Variants in ATXN7L3 observed in about 807,000 individuals in gnomAD.
ATXN7L3 encodes the protein ataxin 7 like 3.
A neutral mutation model predicts 50.0 loss-of-function variants in ATXN7L3; 6 were observed. That is an observed-to-expected ratio of 0.12 (90% CI 0.07 to 0.24). The LOEUF (loss-of-function observed/expected upper bound fraction) is 0.24, where lower values mean the gene tolerates loss of function less well. Among genes scored for constraint, ATXN7L3 ranks in the 10% least tolerant of loss-of-function variants. The pLI, the probability that ATXN7L3 is intolerant of heterozygous loss-of-function variation, is 1.00. For synonymous variants in ATXN7L3, 198 were observed against 165.8 expected (o/e 1.19, Z -1.49); for missense variants, 322 against 451.3 (o/e 0.71, Z 2.60).
At chr17:44,195,975 C>CG (rs988119573) in intron 7 of ATXN7L3, 59 bp downstream of exon 7, 34 of 1,577,472 alleles carry the variant, frequency 2.2e-5, no homozygotes, top group Non-Finnish European at 2.8e-5. Flanking sequence ...CTCCACCCCC[C>CG]GGCAATGAGT....
chr17:44,199,133 G>T (rs1156346709), intron 1 of ATXN7L3: 1 of 151,922 alleles, frequency 6.6e-6, no homozygotes, highest in Non-Finnish European at 1.5e-5. Context: ...CCCAGAGAGT[G>T]GGACGCGTCC....
Position 44,194,370 on chromosome 17 carries a change from ATTTC to A in ATXN7L3, c.933_936del (p.Lys311AsnfsTer4). The A allele has an allele frequency of 6.2e-7, 1 of 1,614,114 alleles. No homozygotes were observed. On this transcript the variant is annotated frameshift_variant, in exon 13 of 13. Transcript: ENST00000587097. LOFTEE classifies it high-confidence loss of function. ...GCAGTCCCTACCAGGCTCAGATGGGATTTCTTTTTCTTGGTTTTCCGTGACTCAG... is the reference window on the plus strand; with the variant it reads ...GCAGTCCCTACCAGGCTCAGATGGGATTTTTCTTGGTTTTCCGTGACTCAG...
intron 8 of ATXN7L3, 28 bp from the exon 9 acceptor site, chr17:44,195,515 G>T: frequency 6.3e-7 from 1 of 1,597,064 alleles, no homozygotes; most frequent in South Asian, 1.1e-5. Context: ...GTACAGGTTA[G>T]AGATGGGGCA....
At chr17:44,195,907 G>A in intron 7 of ATXN7L3, 79 bp from the exon 8 acceptor site, 1 of 1,572,264 alleles carries the variant, frequency 6.4e-7, no homozygotes, top group Non-Finnish European at 8.7e-7. Flanking sequence ...CAGAGAGGAA[G>A]TGGGGGTGAC....
intron 9 of ATXN7L3, 38 bp from the exon 10 acceptor site, chr17:44,195,178 G>T (rs778180063): frequency 6.3e-7 from 1 of 1,594,460 alleles, no homozygotes; most frequent in South Asian, 1.1e-5. Context: ...GGGATGGAAG[G>T]AACCTACTCT....
chr17:44,195,847 G>A lies in ATXN7L3; in HGVS notation c.524-19C>T. 1 of 1,608,682 alleles carries A rather than the reference G, an allele frequency of 6.2e-7. No homozygotes were observed. The highest frequency in any genetic ancestry group is 8.5e-7 in the Non-Finnish European group (1 of 1,177,898). On this transcript the variant is annotated intron_variant, in intron 7 of 12. Transcript: ENST00000587097. ...AGTTCCCCTGAAGAAGAAAAAAGAA[G>A]GGGAAGGGTGTTTGATGCAGAGGTA...
intron 8 of ATXN7L3, 91 bp downstream of exon 8, chr17:44,195,709 G>T: frequency 7.1e-7 from 1 of 1,412,264 alleles, no homozygotes; most frequent in Non-Finnish European, 1.0e-6. Context: ...AGTGCCTCTG[G>T]CTGTCAGCAT....
At position 44,197,619 on chromosome 17, in the gene ATXN7L3, G is replaced by T; in HGVS notation, c.163C>A (p.Pro55Thr). 6.2e-7 allele frequency: 1 copy of T among 1,614,226 alleles called. No homozygotes were observed. The highest frequency in any genetic ancestry group is 8.5e-7 in the Non-Finnish European group (1 of 1,180,048). ...CGYFFLDDTDPDSMKDFEIVD... is the reference protein window; with the variant it reads ...CGYFFLDDTDTDSMKDFEIVD... ...TCACCAAAATCCTTCATGCTATCAGGGTCCGTGTCGTCCAAGAAGAAGTAG... is the reference window on the plus strand; with the variant it reads ...TCACCAAAATCCTTCATGCTATCAGTGTCCGTGTCGTCCAAGAAGAAGTAG... Residue 55 changes from proline (P) to threonine (T), a missense_variant, in exon 3 of 13, where the codon CCT becomes ACT. Coordinates refer to ENST00000587097, the MANE Select transcript of ATXN7L3 (RefSeq NM_001382309.1).
chr17:44,194,415 T>C lies in ATXN7L3; in HGVS notation c.896-4A>G. 3.1e-6 allele frequency: 5 copies of C among 1,614,022 alleles called. No homozygotes were observed. The highest frequency in any genetic ancestry group is 4.2e-6 in the Non-Finnish European group (5 of 1,179,990). On this transcript the variant is annotated splice_region_variant and splice_polypyrimidine_tract_variant and intron_variant, in intron 12 of 12. Transcript: ENST00000587097. ...CGTGACTCAGAGCTGTTGGTACCTG[T>C]AGAGAAAGAGACACAAGGGATGAGA...
intron 6 of ATXN7L3, 148 bp downstream of exon 6, chr17:44,196,248 C>T: frequency 1.1e-6 from 1 of 911,956 alleles, no homozygotes. Context: ...CTTCCCCACC[C>T]ACACTCCCCC....
rs533935236 is a variant in ATXN7L3 at position 44,197,878 on chromosome 17, T to C, written c.51+142A>G. ...TTGACTTCGTGTTCTTTCTTCTTCC[T>C]GGATCCTTGGCTTTTTCAGCTGGCT... On this transcript the variant is annotated intron_variant, in intron 2 of 12. Transcript: ENST00000587097. The C allele has an allele frequency of 1.1e-4, 166 of 1,519,146 alleles. 1 individual carries two copies. In the African/African-American group the frequency reaches 2.2e-3, roughly 20 times the overall value. The allele number at this position is 1,519,146 out of a possible 1,614,324, so 94.1% of individuals were successfully genotyped here.
In ATXN7L3 at chr17:44,194,187, T is replaced by G. The variant is rs1353861381; in HGVS notation, c.*76A>C. 1 of 1,542,200 alleles carries G rather than the reference T, an allele frequency of 6.5e-7. No individual in the cohort carries two copies. The highest frequency in any genetic ancestry group is 1.4e-5 in the African/African-American group (1 of 72,356). On this transcript the variant is annotated 3_prime_UTR_variant, in exon 13 of 13. Coordinates refer to ENST00000587097, the MANE Select transcript of ATXN7L3 (RefSeq NM_001382309.1). The stretch of plus-strand genomic sequence containing the variant: ...GCCCCAACCCCCAGCAGCCGTCCAT[T>G]TGCCAGGCTATGCCACCTGGGTGGG...
At chr17:44,199,326 C>T (rs2056054360) in intron 1 of ATXN7L3, 170 bp downstream of exon 1, 1 of 151,268 alleles carries the variant, frequency 6.6e-6, no homozygotes, top group Non-Finnish European at 1.5e-5. Flanking sequence ...GGGCCCCGGC[C>T]CGGCCGGGAA....
rs556719997 is a variant in ATXN7L3 at position 44,197,978 on chromosome 17, A to G, written c.51+42T>C. The G allele has an allele frequency of 5.5e-5, 88 of 1,600,250 alleles. No individual in the cohort carries two copies. In the South Asian group the frequency reaches 8.5e-4, roughly 15 times the overall value. On this transcript the variant is annotated intron_variant, in intron 2 of 12. Coordinates refer to ENST00000587097, the MANE Select transcript of ATXN7L3 (RefSeq NM_001382309.1). ...ATGCCAGATACAGCGACGTAGAGAC[A>G]TCAAGAGAAAGAACTGGAGGCACAC... is the stretch of plus-strand genomic sequence containing the variant.
Position 44,194,684 on chromosome 17 carries a change from G to T in ATXN7L3, c.738-10C>A. On this transcript the variant is annotated splice_polypyrimidine_tract_variant and intron_variant, in intron 11 of 12. Coordinates refer to ENST00000587097, the MANE Select transcript of ATXN7L3 (RefSeq NM_001382309.1). ...GACCTCTGGAAGGACACTGGAAAGG[G>T]GATGAGCCAAAGAAGGGCTTTAGAG... is the stretch of plus-strand genomic sequence containing the variant. The T allele has an allele frequency of 6.2e-7, 1 of 1,613,912 alleles. No individual in the cohort carries two copies. Among genetic ancestry groups the T allele is most frequent in the Non-Finnish European group, 8.5e-7 (1 of 1,179,832 alleles).
intron 5 of ATXN7L3, 151 bp downstream of exon 5, chr17:44,196,777 CA>C (rs34885873): frequency 0.12 from 26,653 of 230,938 alleles, 1 homozygote; most frequent in South Asian, 0.14. Context: ...GAATCCATCT[CA>C]AAAAAAAAAA....
chr17:44,197,712 A>G lies in ATXN7L3; in HGVS notation c.70T>C (p.Tyr24His). The G allele has an allele frequency of 6.2e-7, 1 of 1,614,270 alleles. No individual in the cohort carries two copies. Residue 24 changes from tyrosine (Y) to histidine (H), a missense_variant, in exon 3 of 13, where the codon TAC becomes CAC. Tyr to His is a moderately conservative substitution (Grantham distance 83). Around this residue, in one of 5 missense-constraint regions of ATXN7L3, gnomAD observed 33 missense variants for 35.1 expected, o/e 0.94. Coordinates refer to ENST00000587097, the MANE Select transcript of ATXN7L3 (RefSeq NM_001382309.1). Reference protein sequence around the residue: ...SKLEAIAQEIYADLVEDSCLG... With the variant: ...SKLEAIAQEIHADLVEDSCLG... Reference sequence around the variant, plus strand: ...CAAGAATCCTCGACCAGGTCCGCGTATATCTCCTGAGCGATGGCCTGGGCC... The same window carrying G: ...CAAGAATCCTCGACCAGGTCCGCGTGTATCTCCTGAGCGATGGCCTGGGCC...
intron 1 of ATXN7L3, 80 bp from the exon 2 acceptor site, chr17:44,198,210 C>T (rs1250297072): frequency 2.6e-6 from 2 of 781,770 alleles, no homozygotes; most frequent in Admixed American, 2.3e-5. Context: ...CACCTCGCTG[C>T]CCAAAGCTCA....
intron 1 of ATXN7L3, 112 bp downstream of exon 1, chr17:44,199,384 G>C (rs1301026260): frequency 6.7e-6 from 1 of 150,184 alleles, no homozygotes; most frequent in Non-Finnish European, 1.5e-5. Context: ...GGAGGGGAAG[G>C]GGCGCTGACC....
Sources: allele counts gnomAD v4.1 joint callset, GRCh38; gene constraint gnomAD v4.1.1; regional missense constraint gnomAD v4.1.1; transcripts MANE v1.5; gene names NCBI Gene and HGNC (gene_info 2026-07-23, HGNC 2026-07-21).